PPM1H: variants seen among roughly 807,000 people sequenced by gnomAD.
PPM1H encodes protein phosphatase 1H.
Under a neutral mutation model 54.9 loss-of-function variants are expected in PPM1H, and 27 were observed. The observed-to-expected ratio is 0.49, with a 90% confidence interval of 0.36 to 0.68. The LOEUF is 0.68. Ranked by LOEUF, PPM1H falls within the 30% of genes least tolerant of loss-of-function variation. PPM1H has a pLI of 0.00. For missense variants in PPM1H, 596 were observed against 667.8 expected (o/e 0.89, Z 1.19); for synonymous variants, 305 against 270.8 (o/e 1.13, Z -1.24).
intron 7 of PPM1H, among the ~76,000 whole-genome samples, chr12:62,693,508 C>T (rs1213223877): frequency 6.6e-6 from 1 of 152,222 alleles, no homozygotes; most frequent in Admixed American, 6.5e-5. Context: ...CTGCCCCTCG[C>T]TTGGCTGCGT....
At chr12:62,799,953 G>A (rs1356301710) in intron 3 of PPM1H, among the ~76,000 whole-genome samples, 4 of 152,104 alleles carry the variant, frequency 2.6e-5, no homozygotes, top group African/African-American at 4.8e-5. Flanking sequence ...CAATCCTCCG[G>A]CCTCAGCCTC....
At chr12:62,656,509 A>G (rs981522046) in intron 9 of PPM1H, among the ~76,000 whole-genome samples, 10 of 152,228 alleles carry the variant, frequency 6.6e-5, no homozygotes, top group African/African-American at 1.9e-4. Context: ...GAATCAGCAC[A>G]ACAGTGTCAA....
chr12:62,784,305 C>T (rs2076658778), intron 4 of PPM1H, among the ~76,000 whole-genome samples: 1 of 152,080 alleles, frequency 6.6e-6, no homozygotes, highest in Admixed American at 6.5e-5. Context: ...GTCGTTGACT[C>T]AAAAACCCAT....
At chr12:62,897,290 C>T (rs895084319) in intron 1 of PPM1H, among the ~76,000 whole-genome samples, 1 of 151,916 alleles carries the variant, frequency 6.6e-6, no homozygotes, top group Non-Finnish European at 1.5e-5. Context: ...TCCCTTGTGC[C>T]CTCCCCCATT....
In PPM1H at chr12:62,650,542, C is replaced by A. The variant is rs535713407; in HGVS notation, c.1398-1906G>T. On this transcript the variant is annotated intron_variant, in intron 9 of 9. Transcript: ENST00000228705. ...GCTCATACACTATAGTCAGAAAAGCCTCTCAGCTGCTCACCTCATTCTCAC... is the reference window on the plus strand; with the variant it reads ...GCTCATACACTATAGTCAGAAAAGCATCTCAGCTGCTCACCTCATTCTCAC... Among the ~76,000 whole-genome samples the A allele has an allele frequency of 3.9e-5, 6 of 152,264 alleles. No homozygotes were observed. The South Asian group carries it at 1.2e-3, about 32-fold the overall frequency.
intron 4 of PPM1H, among the ~76,000 whole-genome samples, chr12:62,745,016 C>G (rs2076402268): frequency 1.3e-5 from 2 of 152,138 alleles, no homozygotes; most frequent in Admixed American, 6.5e-5. Flanking sequence ...AGAGCACTTT[C>G]CTCTTTGCCT....
intron 1 of PPM1H, among the ~76,000 whole-genome samples, chr12:62,859,362 G>A (rs541209041): frequency 7.9e-5 from 12 of 152,092 alleles, no homozygotes; most frequent in East Asian, 1.9e-4. Flanking sequence ...TGCCTTTTCC[G>A]GCTCCACAGG....
Position 62,689,795 on chromosome 12 carries a change from C to T in PPM1H, c.1149G>A (p.Met383Ile). The change falls in exon 8 of 10, where the codon ATG becomes ATA. Residue 383 changes from methionine to isoleucine, a missense_variant. This residue lies in a region of PPM1H where 208 missense variants were observed against 259.5 expected (regional missense o/e 0.80). Coordinates refer to ENST00000228705, the MANE Select transcript of PPM1H (RefSeq NM_020700.2). ...GTCCCCTGGTCACTCCAATAGTTGC[C>T]ATTACCCGGGCCTAGGAGTATAAGC... ...IYGEGKKARV[M>I]ATIGVTRGLG... 6.2e-7 allele frequency: 1 copy of T among 1,612,700 alleles called. No homozygotes were observed. Among genetic ancestry groups the T allele is most frequent in the East Asian group, 2.2e-5 (1 of 44,834 alleles).
At chr12:62,877,272 C>A (rs1446244359) in intron 1 of PPM1H, among the ~76,000 whole-genome samples, 6 of 152,112 alleles carry the variant, frequency 3.9e-5, no homozygotes, top group African/African-American at 1.4e-4. Context: ...CGCAGATGCA[C>A]CAGGGCCATC....
intron 1 of PPM1H, among the ~76,000 whole-genome samples, chr12:62,933,387 C>A (rs1872212548): frequency 6.6e-6 from 1 of 152,092 alleles, no homozygotes; most frequent in Admixed American, 6.5e-5. Context: ...GGGTCAGCAT[C>A]AAGGCGCCCA....
chr12:62,869,478 T>G (rs983455541), intron 1 of PPM1H, among the ~76,000 whole-genome samples: 2 of 152,202 alleles, frequency 1.3e-5, no homozygotes, highest in African/African-American at 4.8e-5. Flanking sequence ...AGGATTTGGA[T>G]GCAGGCAATG....
chr12:62,790,863 G>T (rs993623166), intron 3 of PPM1H, among the ~76,000 whole-genome samples: 2 of 152,144 alleles, frequency 1.3e-5, no homozygotes, highest in African/African-American at 4.8e-5. Flanking sequence ...CTTCAACTGT[G>T]TATAAATTAG....
chr12:62,770,252 G>C (rs893855037), intron 4 of PPM1H, among the ~76,000 whole-genome samples: 1 of 152,008 alleles, frequency 6.6e-6, no homozygotes, highest in African/African-American at 2.4e-5. Flanking sequence ...TACACACTTT[G>C]AATCATTTAA....
At chr12:62,843,519 A>G (rs1868835892) in intron 1 of PPM1H, among the ~76,000 whole-genome samples, 2 of 152,200 alleles carry the variant, frequency 1.3e-5, no homozygotes, top group Middle Eastern at 3.2e-3. Context: ...GAGGTTTTAC[A>G]TTATGTATTG....
At chr12:62,650,444 T>A (rs1319633822) in intron 9 of PPM1H, among the ~76,000 whole-genome samples, 1 of 152,106 alleles carries the variant, frequency 6.6e-6, no homozygotes, top group African/African-American at 2.4e-5. Context: ...CCTCTTGAGA[T>A]CAGGAAATAA....
In PPM1H at chr12:62,909,972, A is replaced by T. The variant is rs572980565; in HGVS notation, c.245+24520T>A. Among the ~76,000 whole-genome samples, 37 of 152,306 alleles carry T rather than the reference A, an allele frequency of 2.4e-4. No individual in the cohort carries two copies. The South Asian group carries it at 6.9e-3, about 28-fold the overall frequency. ...TGCTGAAGATTACGGAGGTTTTAAT[A>T]ACATTAATTGCAGAGAGGTGGTAAT... On this transcript the variant is annotated intron_variant, in intron 1 of 9. Coordinates refer to ENST00000228705, the MANE Select transcript of PPM1H (RefSeq NM_020700.2).
intron 9 of PPM1H, among the ~76,000 whole-genome samples, chr12:62,663,083 CTA>C (rs1364522878): frequency 2.0e-5 from 3 of 152,028 alleles, no homozygotes; most frequent in Non-Finnish European, 2.9e-5. Flanking sequence ...GGGGGAGGTG[CTA>C]TAAAGTATCC....
intron 8 of PPM1H, among the ~76,000 whole-genome samples, chr12:62,681,602 G>A (rs562148138): frequency 7.4e-4 from 113 of 152,186 alleles, no homozygotes; most frequent in African/African-American, 1.7e-3. Flanking sequence ...CACACTAGAC[G>A]ATTTCTTCCT....
At chr12:62,904,424 G>A (rs982520872) in intron 1 of PPM1H, among the ~76,000 whole-genome samples, 1 of 152,028 alleles carries the variant, frequency 6.6e-6, no homozygotes, top group African/African-American at 2.4e-5. Context: ...ATTTTTTGTA[G>A]AGATGGGCTT....
Sources: allele counts gnomAD v4.1 joint callset (sites outside exome capture counted in the v4.1 genomes callset), GRCh38; gene constraint gnomAD v4.1.1; regional missense constraint gnomAD v4.1.1; transcripts MANE v1.5; gene names NCBI Gene and HGNC (gene_info 2026-07-23, HGNC 2026-07-21).